The following LRRC49 variants were observed in gnomAD, a reference collection of about 807,000 sequenced individuals.
LRRC49 encodes leucine rich repeat containing 49.
In LRRC49, 50 loss-of-function variants were observed where a neutral mutation model predicts 83.3. The ratio of observed to expected loss-of-function variants is 0.60; its 90% CI spans 0.48 to 0.76. The LOEUF (loss-of-function observed/expected upper bound fraction) is 0.76. Ranked by LOEUF, LRRC49 falls within the 30% of genes least tolerant of loss-of-function variation. LRRC49 has a pLI of 0.00. For synonymous variants in LRRC49, 286 were observed against 283.3 expected (o/e 1.01, Z -0.10); for missense variants, 704 against 809.1 (o/e 0.87, Z 1.58).
chr15:70,941,620 C>CA (rs1310625770), intron 8 of LRRC49, among the ~76,000 whole-genome samples: 10 of 151,860 alleles, frequency 6.6e-5, no homozygotes, highest in Admixed American at 4.6e-4. Flanking sequence ...CAGCAAAAAG[C>CA]AAAAAAATCT....
At chr15:70,982,039 C>A (rs1167006679) in intron 10 of LRRC49, among the ~76,000 whole-genome samples, 2 of 151,906 alleles carry the variant, frequency 1.3e-5, no homozygotes, top group Non-Finnish European at 2.9e-5. Context: ...TAAAATTAAT[C>A]ATTCTCTTAG....
intron 15 of LRRC49, among the ~76,000 whole-genome samples, chr15:71,042,597 T>G (rs2039729633): frequency 6.6e-6 from 1 of 152,154 alleles, no homozygotes; most frequent in South Asian, 2.1e-4. Context: ...TGAAAAATAC[T>G]TAAATCACTG....
At chr15:70,901,125 C>A in intron 4 of LRRC49, 101 bp downstream of exon 4, 1 of 665,132 alleles carries the variant, frequency 1.5e-6, no homozygotes. Flanking sequence ...TCCTGTTCCC[C>A]AGTTATTCAA....
intron 7 of LRRC49, among the ~76,000 whole-genome samples, chr15:70,932,798 C>T (rs2035457971): frequency 7.0e-6 from 1 of 143,370 alleles, no homozygotes; most frequent in Non-Finnish European, 1.5e-5. Context: ...GGCGCAATCT[C>T]GGCTAACTGC....
chr15:70,981,621 A>T (rs904706667), intron 10 of LRRC49, among the ~76,000 whole-genome samples: 1 of 152,024 alleles, frequency 6.6e-6, no homozygotes, highest in Non-Finnish European at 1.5e-5. Flanking sequence ...TTGTAACCTT[A>T]GAAGTGAAGG....
chr15:70,921,326 A>G (rs2034996948), intron 7 of LRRC49, among the ~76,000 whole-genome samples: 2 of 152,158 alleles, frequency 1.3e-5, no homozygotes, highest in Admixed American at 6.6e-5. Flanking sequence ...AATAATCTCT[A>G]TAGATAAAAC....
chr15:71,003,723 T>A (rs955867071), intron 11 of LRRC49, among the ~76,000 whole-genome samples: 7 of 152,230 alleles, frequency 4.6e-5, no homozygotes, highest in African/African-American at 1.7e-4. Flanking sequence ...ATTATGATAA[T>A]CATTTACATA....
intron 9 of LRRC49, among the ~76,000 whole-genome samples, chr15:70,967,853 T>C (rs1487652390): frequency 1.3e-5 from 2 of 152,106 alleles, no homozygotes; most frequent in Admixed American, 1.3e-4. Context: ...AGTTTGGCAG[T>C]CCTTAATCTA....
intron 6 of LRRC49, 115 bp from the exon 7 acceptor site, chr15:70,918,935 A>G (rs758588501): frequency 2.7e-6 from 2 of 748,408 alleles, no homozygotes; most frequent in Non-Finnish European, 2.1e-6. Flanking sequence ...AAATGTCTAC[A>G]TATAAACTTG....
chr15:70,954,729 T>TCTAA (rs3086556), intron 8 of LRRC49, among the ~76,000 whole-genome samples: 113,530 of 151,630 alleles, frequency 0.75, 44,643 homozygotes, highest in East Asian at 0.86. Flanking sequence ...GGATGCATGC[T>TCTAA]CTAACCCTGT....
At position 71,028,282 on chromosome 15, in the gene LRRC49, C is replaced by G. The variant is rs541650954; in HGVS notation, c.1704-8897C>G. ...GTGTATGTTGAACCAGCCTTGTATC[C>G]CAGGGATAAAGCCAACTTGATCATG... On this transcript the variant is annotated intron_variant, in intron 14 of 15. Coordinates refer to ENST00000260382, the MANE Select transcript of LRRC49 (RefSeq NM_017691.5). 1.8e-4 allele frequency among the ~76,000 whole-genome samples: 28 copies of G among 152,120 alleles called. No homozygotes were observed. In the South Asian group the frequency reaches 5.2e-3, roughly 28 times the overall value.
intron 9 of LRRC49, among the ~76,000 whole-genome samples, chr15:70,965,902 T>C (rs1255640992): frequency 6.6e-6 from 1 of 152,128 alleles, no homozygotes; most frequent in Non-Finnish European, 1.5e-5. Flanking sequence ...AGCTGTACCT[T>C]TTTTAAGGAC....
chr15:70,906,648 T>C (rs1405138241), intron 5 of LRRC49, among the ~76,000 whole-genome samples: 1 of 152,240 alleles, frequency 6.6e-6, no homozygotes. Flanking sequence ...AATTTACTCA[T>C]TAAGTTGTTG....
At chr15:71,017,640 T>G (rs1417517464) in intron 14 of LRRC49, among the ~76,000 whole-genome samples, 1 of 152,118 alleles carries the variant, frequency 6.6e-6, no homozygotes, top group Admixed American at 6.6e-5. Flanking sequence ...AAATACAACT[T>G]AAATTAAAAT....
chr15:70,969,740 G>T (rs1289453198), intron 9 of LRRC49, among the ~76,000 whole-genome samples: 1 of 152,072 alleles, frequency 6.6e-6, no homozygotes, highest in African/African-American at 2.4e-5. Context: ...TCTGTTTGTA[G>T]CAATTGTGAA....
At chr15:70,990,270 G>A (rs955926462) in intron 11 of LRRC49, among the ~76,000 whole-genome samples, 1 of 152,226 alleles carries the variant, frequency 6.6e-6, no homozygotes, top group African/African-American at 2.4e-5. Flanking sequence ...GCCTCCTTGA[G>A]CTGTGGTGGG....
intron 2 of LRRC49, among the ~76,000 whole-genome samples, chr15:70,883,394 A>G (rs1371310408): frequency 2.6e-5 from 4 of 152,038 alleles, no homozygotes; most frequent in Non-Finnish European, 5.9e-5. Context: ...GGGTTTCACC[A>G]TGTTAGCCAG....
intron 8 of LRRC49, among the ~76,000 whole-genome samples, chr15:70,943,807 A>C (rs144089676): frequency 3.9e-5 from 6 of 152,140 alleles, no homozygotes; most frequent in African/African-American, 1.2e-4. Context: ...GTTTTTTTCT[A>C]TCTATTGGGA....
At chr15:70,904,955 G>T (rs919642838) in intron 5 of LRRC49, among the ~76,000 whole-genome samples, 200 bp downstream of exon 5, 2 of 152,132 alleles carry the variant, frequency 1.3e-5, no homozygotes, top group Non-Finnish European at 2.9e-5. Context: ...ACCAGATAAC[G>T]TTTATTATGT....
Sources: gnomAD v4.1 joint callset for allele counts (sites outside exome capture counted in the v4.1 genomes callset) on GRCh38, gnomAD v4.1.1 for gene constraint, MANE v1.5 for transcripts, NCBI Gene and HGNC (gene_info 2026-07-23, HGNC 2026-07-21) for gene names.